The following TENM1 variants were observed in gnomAD, a reference collection of about 807,000 sequenced individuals.
TENM1 encodes teneurin transmembrane protein 1, also known as teneurin-1.
Under a neutral mutation model 174.8 loss-of-function variants are expected in TENM1, and 35 were observed. The observed-to-expected ratio is 0.20, with a 90% CI of 0.15 to 0.27. The LOEUF is 0.27. Ranked by LOEUF, TENM1 falls within the 10% of genes least tolerant of loss-of-function variation. The probability of loss-of-function intolerance (pLI) is 1.00; values close to 1 mark genes in which losing one functional copy is unlikely to be tolerated. For missense variants in TENM1, 1,633 were observed against 2,130.1 expected (o/e 0.77, Z 4.59); for synonymous variants, 781 against 798.7 (o/e 0.98, Z 0.37).
intron 3 of TENM1, among the ~76,000 whole-genome samples, chrX:124,809,639 T>G (rs765063951): frequency 2.7e-5 from 3 of 110,739 alleles, no homozygotes; most frequent in Non-Finnish European, 5.7e-5. Context: ...TGATAAACAA[T>G]TTCAACAAAT....
At chrX:125,171,994 C>G in the TENM1 span, among the ~76,000 whole-genome samples, 1 of 111,268 alleles carries the variant, frequency 9.0e-6, no homozygotes, top group African/African-American at 3.3e-5. Flanking sequence ...AGGCATAGTT[C>G]CTGTATTCAA....
intron 14 of TENM1, among the ~76,000 whole-genome samples, chrX:124,560,199 G>GTGTGTA (rs1300458843): frequency 3.0e-5 from 3 of 99,028 alleles, no homozygotes; most frequent in African/African-American, 4.2e-5. Flanking sequence ...ATTTGTGTGT[G>GTGTGTA]TGTGTGTGTG....
intron 23 of TENM1, among the ~76,000 whole-genome samples, chrX:124,434,866 C>T (rs754303020): frequency 2.2e-3 from 247 of 112,125 alleles, no homozygotes; most frequent in Non-Finnish European, 3.3e-3. Context: ...TTTATCATTA[C>T]GCTAAAGAAC....
chrX:124,510,365 T>C (rs764497529), intron 18 of TENM1, among the ~76,000 whole-genome samples: 1 of 112,587 alleles, frequency 8.9e-6, no homozygotes, highest in South Asian at 3.7e-4. Context: ...TTTTTATTTG[T>C]TCAGAATTTA....
exon 32 of TENM1, chrX:124,379,466 T>G (rs1171584579): frequency 1.8e-5 from 2 of 112,491 alleles, no homozygotes; most frequent in African/African-American, 6.5e-5. Flanking sequence ...ATGTTTGGTC[T>G]GGTCTTCCCT....
the TENM1 span, among the ~76,000 whole-genome samples, chrX:125,168,733 A>C: frequency 9.0e-6 from 1 of 110,954 alleles, no homozygotes; most frequent in Non-Finnish European, 1.9e-5. Flanking sequence ...TGAATTCTAC[A>C]CCTACAAAGA....
chrX:124,855,275 T>C (rs1277339443), intron 3 of TENM1, among the ~76,000 whole-genome samples: 2 of 111,966 alleles, frequency 1.8e-5, no homozygotes, highest in African/African-American at 6.4e-5. Flanking sequence ...TATAGAAGTA[T>C]ATTCTACACT....
intron 16 of TENM1, among the ~76,000 whole-genome samples, chrX:124,527,895 ATCCGCCCGCCTCAGCC>A (rs1342645567): frequency 1.1e-4 from 11 of 102,981 alleles, no homozygotes; most frequent in Non-Finnish European, 2.2e-4. Flanking sequence ...TGACCTCATG[ATCCGCCCGCCTCAGCC>A]TCCCAAAGTG....
chrX:125,073,936 G>A, the TENM1 span, among the ~76,000 whole-genome samples: 6,648 of 111,747 alleles, frequency 0.059, 484 homozygotes, highest in African/African-American at 0.2. Flanking sequence ...TCCTTGTCAG[G>A]TAAAATTTAG....
At chrX:124,540,078 C>T (rs778985540) in intron 15 of TENM1, among the ~76,000 whole-genome samples, 2 of 112,212 alleles carry the variant, frequency 1.8e-5, no homozygotes, top group Non-Finnish European at 3.8e-5. Context: ...GTTCCATGAT[C>T]CATAGACTTA....
At chrX:125,055,406 C>G in the TENM1 span, among the ~76,000 whole-genome samples, 2 of 110,999 alleles carry the variant, frequency 1.8e-5, no homozygotes, top group African/African-American at 6.6e-5. Context: ...ACTTCTTTTC[C>G]AGAACATTAT....
the TENM1 span, among the ~76,000 whole-genome samples, chrX:124,985,862 C>T: frequency 5.0e-3 from 554 of 111,734 alleles, no homozygotes; most frequent in Admixed American, 0.011. Context: ...CACAACATCA[C>T]GCTCAAACTT....
At chrX:124,785,625 C>T (rs1398987206) in intron 3 of TENM1, among the ~76,000 whole-genome samples, 2 of 112,164 alleles carry the variant, frequency 1.8e-5, no homozygotes, top group African/African-American at 6.5e-5. Context: ...AATCAGTTGA[C>T]TGACTGGTTT....
chrX:124,941,394 A>G lies in TENM1; in HGVS notation c.217+22143T>C, dbSNP rs189003405. On this transcript the variant is annotated intron_variant, in intron 1 of 31. Transcript: ENST00000422452. ...TTGAATTTCCATTAGTCCACTTCTC[A>G]GCAATTTTCCTGGGATCCTTTTCCT... is the stretch of plus-strand genomic sequence containing the variant. Among the ~76,000 whole-genome samples the G allele has an allele frequency of 7.2e-5, 8 of 111,551 alleles. No homozygotes were observed. In the East Asian group the frequency reaches 2.3e-3, roughly 32 times the overall value.
At chrX:124,651,511 T>C (rs1040216184) in intron 8 of TENM1, among the ~76,000 whole-genome samples, 2 of 112,237 alleles carry the variant, frequency 1.8e-5, no homozygotes, top group African/African-American at 6.5e-5. Flanking sequence ...AGAACTGTAC[T>C]GATACTAGTT....
At chrX:124,482,326 T>C (rs1394154695) in intron 21 of TENM1, among the ~76,000 whole-genome samples, 2 of 109,956 alleles carry the variant, frequency 1.8e-5, no homozygotes, top group Non-Finnish European at 3.8e-5. Flanking sequence ...AAACTCAACA[T>C]ATCCAAAACA....
chrX:124,471,332 GTACTATATA>G (rs1367777501), intron 22 of TENM1, among the ~76,000 whole-genome samples: 1 of 16,056 alleles, frequency 6.2e-5, no homozygotes, highest in African/African-American at 2.6e-4. Flanking sequence ...ATAATATATA[GTACTATATA>G]TAATATATAT....
At chrX:125,037,838 C>T in the TENM1 span, among the ~76,000 whole-genome samples, 18 of 111,651 alleles carry the variant, frequency 1.6e-4, no homozygotes, top group African/African-American at 5.2e-4. Context: ...CTCTCAGTAC[C>T]GTGCACCACA....
At chrX:124,594,001 C>T (rs1399811528) in intron 11 of TENM1, among the ~76,000 whole-genome samples, 3 of 112,353 alleles carry the variant, frequency 2.7e-5, no homozygotes, top group African/African-American at 9.7e-5. Flanking sequence ...TGTATGCACC[C>T]AGATTAAAAA....
Sources: allele counts gnomAD v4.1 joint callset (sites outside exome capture counted in the v4.1 genomes callset), GRCh38; gene constraint gnomAD v4.1.1; transcripts MANE v1.5; gene names NCBI Gene and HGNC (gene_info 2026-07-23, HGNC 2026-07-21).